Variants in ERI1 observed in about 807,000 individuals in gnomAD.
ERI1 encodes 3'-5' exoribonuclease 1.
Under a neutral mutation model 39.7 loss-of-function variants are expected in ERI1, and 39 were observed. That is an observed-to-expected ratio of 0.98 (90% confidence interval 0.76 to 1.28). ERI1 has a LOEUF of 1.28. Ranked by LOEUF, ERI1 falls within the 50% of genes most tolerant of loss-of-function variation. ERI1 has a pLI of 0.00. For synonymous variants in ERI1, 204 were observed against 149.6 expected, an observed-to-expected ratio of 1.36 and a Z score of -2.65; for missense variants, 581 against 416.9, an observed-to-expected ratio of 1.39 and a Z score of -3.43.
At chr8:9,025,682 T>C (rs974303718) in intron 6 of ERI1, among the ~76,000 whole-genome samples, 63 of 148,786 alleles carry the variant, frequency 4.2e-4, no homozygotes, top group South Asian at 4.3e-4. Context: ...TCTAGGACTT[T>C]TCATTTTAAT....
rs754400300 is a variant in ERI1, at chr8:9,004,090, G to T, written c.108+919G>T. 8 of 1,288,972 alleles carry T rather than the reference G, an allele frequency of 6.2e-6. No individual in the cohort carries two copies. The African/African-American group carries it at 1.2e-4, about 20-fold the overall frequency. The allele number at this position is 1,288,972 out of a possible 1,614,324, so 79.8% of individuals were successfully genotyped here. A position where few individuals can be genotyped will look rare whatever the true frequency, so the allele number is the denominator to read the frequency against. ...TGTTCCCAGTGCCCCTCGCTGCCTT[G>T]TGTTCTTTGACATTGGAAAGAAGGT... On this transcript the variant is annotated intron_variant, in intron 1 of 6. Coordinates refer to ENST00000250263, the MANE Select transcript of ERI1 (RefSeq NM_153332.4).
chr8:9,004,521 C>T (rs1373018103), intron 1 of ERI1, among the ~76,000 whole-genome samples: 8 of 127,650 alleles, frequency 6.3e-5, no homozygotes, highest in East Asian at 2.2e-4. Context: ...TACAAAAAGC[C>T]GGTCGTAGTT....
intron 3 of ERI1, among the ~76,000 whole-genome samples, chr8:9,041,829 G>A (rs1217429108): frequency 6.6e-6 from 1 of 152,146 alleles, no homozygotes; most frequent in African/African-American, 2.4e-5. Flanking sequence ...CTGCCTCCCG[G>A]GTTCAGGCGA....
At chr8:9,066,336 A>G (rs778929013) in intron 3 of ERI1, among the ~76,000 whole-genome samples, 2 of 152,142 alleles carry the variant, frequency 1.3e-5, no homozygotes, top group Non-Finnish European at 1.5e-5. Flanking sequence ...GTGTCCACAG[A>G]TGGATGTCTG....
At chr8:9,041,281 C>T (rs1030930182) in intron 3 of ERI1, among the ~76,000 whole-genome samples, 1 of 152,104 alleles carries the variant, frequency 6.6e-6, no homozygotes. Context: ...ATCCTACATT[C>T]CTTACTACAG....
intron 3 of ERI1, among the ~76,000 whole-genome samples, chr8:9,012,634 T>C (rs1265258382): frequency 6.6e-6 from 1 of 152,204 alleles, no homozygotes; most frequent in Non-Finnish European, 1.5e-5. Context: ...GCAAATAATC[T>C]TGCATAAGTC....
At chr8:9,007,204 GTTC>G (rs1816111501) in intron 1 of ERI1, among the ~76,000 whole-genome samples, 1 of 152,132 alleles carries the variant, frequency 6.6e-6, no homozygotes, top group Non-Finnish European at 1.5e-5. Flanking sequence ...TAATTCTATA[GTTC>G]TTCTGGTTAG....
intron 3 of ERI1, among the ~76,000 whole-genome samples, chr8:9,099,251 T>A (rs1799975276): frequency 6.6e-6 from 1 of 152,058 alleles, no homozygotes; most frequent in African/African-American, 2.4e-5. Flanking sequence ...TCTCCCCAAG[T>A]AAGATTTGAA....
chr8:9,048,817 T>A (rs950851351), intron 3 of ERI1, among the ~76,000 whole-genome samples: 7 of 152,136 alleles, frequency 4.6e-5, no homozygotes, highest in Non-Finnish European at 8.8e-5. Context: ...TATTATTATT[T>A]TTATTTTTAG....
At chr8:9,090,558 T>G (rs1382748436) in intron 3 of ERI1, among the ~76,000 whole-genome samples, 1 of 152,232 alleles carries the variant, frequency 6.6e-6, no homozygotes, top group East Asian at 1.9e-4. Flanking sequence ...GATGATGTTT[T>G]AGGAGTATTC....
intron 6 of ERI1, among the ~76,000 whole-genome samples, chr8:9,023,378 T>A (rs972975330): frequency 3.3e-5 from 5 of 152,144 alleles, no homozygotes; most frequent in African/African-American, 1.2e-4. Flanking sequence ...TTGCTACAAC[T>A]CCCAGATGGA....
rs1191023603 is a variant in ERI1 at position 9,004,149 on chromosome 8, T to C, written c.108+978T>C. 4.7e-6 allele frequency: 6 copies of C among 1,289,310 alleles called. No individual in the cohort carries two copies. The East Asian group carries it at 2.8e-4, about 60-fold the overall frequency. The allele number at this position is 1,289,310 out of a possible 1,614,324, so 79.9% of individuals were successfully genotyped here. ...GGATCTCTGTATGTTCCTTTTGCCC[T>C]GTGTGCACTTCCTTTGGATCCTTGC... On this transcript the variant is annotated intron_variant, in intron 1 of 6. Coordinates refer to ENST00000250263, the MANE Select transcript of ERI1 (RefSeq NM_153332.4).
Position 9,007,962 on chromosome 8 carries a change from T to TTG in ERI1, c.109-7_109-6insGT. On this transcript the variant is annotated splice_region_variant and splice_polypyrimidine_tract_variant and intron_variant, in intron 1 of 6. Transcript: ENST00000250263. The stretch of plus-strand genomic sequence containing the variant: ...TTTTTTTTTTTTTTTTTTTTTTTTT[T>TTG]TTGGTAGGAAACTCAACAGTGTAAA... 2 of 1,195,360 alleles carry TTG rather than the reference T, an allele frequency of 1.7e-6. No homozygotes were observed. Among genetic ancestry groups the TTG allele is most frequent in the Non-Finnish European group, 2.2e-6 (2 of 891,170 alleles). 74.0% of individuals were successfully genotyped at this position (1,195,360 alleles called of 1,614,324 possible).
At chr8:9,058,205 C>G (rs945631755) in intron 3 of ERI1, among the ~76,000 whole-genome samples, 5 of 152,172 alleles carry the variant, frequency 3.3e-5, no homozygotes, top group African/African-American at 4.8e-5. Flanking sequence ...GGCCCTGGAG[C>G]TGGTGAGTGA....
At chr8:9,099,437 A>T (rs1354268801) in intron 3 of ERI1, among the ~76,000 whole-genome samples, 1 of 150,746 alleles carries the variant, frequency 6.6e-6, no homozygotes, top group Non-Finnish European at 1.5e-5. Flanking sequence ...TTCTACAAAA[A>T]ATAAAAAATT....
In ERI1 at chr8:9,017,902, T is replaced by C. The variant is rs185248602; in HGVS notation, c.583-395T>C. Among the ~76,000 whole-genome samples the C allele has an allele frequency of 3.9e-5, 6 of 152,274 alleles. No homozygotes were observed. In the East Asian group the frequency reaches 7.7e-4, roughly 20 times the overall value. On this transcript the variant is annotated intron_variant, in intron 4 of 6. Coordinates refer to ENST00000250263, the MANE Select transcript of ERI1 (RefSeq NM_153332.4). ...TAGGAAGATCAGTCTGGCAGCAGTA[T>C]GTAGTATGCGTGGAAAATTGTGAGA...
In ERI1 at chr8:9,087,755, G is replaced by A. The variant is rs568894885; in HGVS notation, n.300-28593G>A. ...GTCCTCCCCATGCAGCTGGGTGGGA[G>A]CATCAGGCCCCACAAGGGTTTGAGG... is the stretch of plus-strand genomic sequence containing the variant. On this transcript the variant is annotated intron_variant and non_coding_transcript_variant, in intron 3 of 3. Coordinates refer to the ERI1 transcript ENST00000518663. Among the ~76,000 whole-genome samples, 14 of 152,278 alleles carry A rather than the reference G, an allele frequency of 9.2e-5. No homozygotes were observed. The South Asian group carries it at 1.9e-3, about 20-fold the overall frequency.
intron 6 of ERI1, among the ~76,000 whole-genome samples, chr8:9,023,439 T>G (rs1818132511): frequency 6.6e-6 from 1 of 152,176 alleles, no homozygotes. Flanking sequence ...TTTCAGTCAG[T>G]TATGCATAAA....
chr8:9,081,889 G>T (rs1261208661), intron 3 of ERI1, among the ~76,000 whole-genome samples: 2 of 152,044 alleles, frequency 1.3e-5, no homozygotes, highest in African/African-American at 4.8e-5. Flanking sequence ...TCTATGTCTA[G>T]ACTTCTCATT....
Sources: allele counts gnomAD v4.1 joint callset (sites outside exome capture counted in the v4.1 genomes callset), GRCh38; gene constraint gnomAD v4.1.1; transcripts MANE v1.5; gene names NCBI Gene and HGNC (gene_info 2026-07-23, HGNC 2026-07-21).